CNTLN: variants seen among roughly 807,000 people sequenced by gnomAD.
The protein encoded by CNTLN is centlein, centrosomal protein.
In CNTLN, 212 loss-of-function variants were observed where a neutral mutation model predicts 180.0. That is an observed-to-expected ratio of 1.18 (90% CI 1.05 to 1.32). The LOEUF (loss-of-function observed/expected upper bound fraction) is 1.32, where lower values mean the gene tolerates loss of function less well. CNTLN is among the 40% of genes most tolerant of loss of function. The probability of loss-of-function intolerance (pLI) is 0.00; values close to 1 mark genes in which losing one functional copy is unlikely to be tolerated. For missense variants in CNTLN, 2,095 were observed against 1,610.9 expected (o/e 1.30, Z -5.14); for synonymous variants, 722 against 563.1 (o/e 1.28, Z -3.99).
chr9:17,278,961 A>G (rs1828487904), intron 6 of CNTLN, among the ~76,000 whole-genome samples: 1 of 152,130 alleles, frequency 6.6e-6, no homozygotes. Flanking sequence ...ATATAATGAA[A>G]CAATAAGGCT....
At chr9:17,196,762 A>G (rs1822159417) in intron 2 of CNTLN, among the ~76,000 whole-genome samples, 1 of 152,044 alleles carries the variant, frequency 6.6e-6, no homozygotes, top group Admixed American at 6.6e-5. Flanking sequence ...TCTATGGAGT[A>G]TATGAGAGAT....
chr9:17,330,817 A>C lies in CNTLN; in HGVS notation c.1518+9A>C. The C allele has an allele frequency of 6.3e-7, 1 of 1,587,452 alleles. No individual in the cohort carries two copies. Among genetic ancestry groups the C allele is most frequent in the Non-Finnish European group, 8.5e-7 (1 of 1,170,090 alleles). On this transcript the variant is annotated intron_variant, in intron 9 of 25. Transcript: ENST00000380647. ...CTGAAGGAAAACATAAGGTAGGGACATTTTGTCATTTTGTGAATTTGCCAG... is the reference window on the plus strand; with the variant it reads ...CTGAAGGAAAACATAAGGTAGGGACCTTTTGTCATTTTGTGAATTTGCCAG...
chr9:17,510,037 T>A, the CNTLN span, among the ~76,000 whole-genome samples: 1 of 152,070 alleles, frequency 6.6e-6, no homozygotes, highest in Non-Finnish European at 1.5e-5. Context: ...GAAGAATATA[T>A]CTGGAATACA....
intron 2 of CNTLN, among the ~76,000 whole-genome samples, chr9:17,222,438 G>A (rs562806321): frequency 6.6e-6 from 1 of 152,072 alleles, no homozygotes; most frequent in Non-Finnish European, 1.5e-5. Flanking sequence ...TGAACCATGG[G>A]GGTGGTTTCC....
chr9:17,234,980 G>T (rs1563907825), intron 3 of CNTLN, among the ~76,000 whole-genome samples: 1 of 152,140 alleles, frequency 6.6e-6, no homozygotes. Context: ...CTGGATTATA[G>T]ATTAGATAGT....
intron 3 of CNTLN, 120 bp downstream of exon 3, chr9:17,226,407 AG>A (rs1163105367): frequency 2.0e-6 from 1 of 502,288 alleles, no homozygotes; most frequent in African/African-American, 2.0e-5. Flanking sequence ...CTTATGTTAA[AG>A]CATTACTATT....
At chr9:17,190,938 T>C (rs1821751815) in intron 2 of CNTLN, among the ~76,000 whole-genome samples, 1 of 152,226 alleles carries the variant, frequency 6.6e-6, no homozygotes, top group African/African-American at 2.4e-5. Context: ...ATATAATGGA[T>C]CTGTTTTCTT....
chr9:17,498,034 A>G (rs979022000), intron 25 of CNTLN, among the ~76,000 whole-genome samples: 19 of 152,168 alleles, frequency 1.2e-4, no homozygotes, highest in African/African-American at 4.6e-4. Flanking sequence ...TTCACTTTCA[A>G]TATAACTCTA....
chr9:17,421,792 T>C (rs1207110933), intron 18 of CNTLN, among the ~76,000 whole-genome samples: 1 of 152,138 alleles, frequency 6.6e-6, no homozygotes, highest in Non-Finnish European at 1.5e-5. Context: ...TAACCAATTA[T>C]TTTAAACTGA....
intron 6 of CNTLN, among the ~76,000 whole-genome samples, chr9:17,287,560 T>C (rs557110778): frequency 6.7e-6 from 1 of 150,246 alleles, no homozygotes; most frequent in South Asian, 2.1e-4. Context: ...TTCTATTGAT[T>C]GGAATAGTTT....
chr9:17,292,111 A>T (rs1290982786), intron 6 of CNTLN, among the ~76,000 whole-genome samples: 1 of 152,196 alleles, frequency 6.6e-6, no homozygotes, highest in African/African-American at 2.4e-5. Flanking sequence ...TTCTTTAAGA[A>T]TATTGAATAA....
In CNTLN at chr9:17,351,619, A is replaced by G. The variant is rs574764041; in HGVS notation, c.1886+9175A>G. Among the ~76,000 whole-genome samples the G allele has an allele frequency of 2.0e-4, 31 of 152,200 alleles. 1 individual carries two copies. The highest frequency in any genetic ancestry group is 1.3e-3 in the South Asian group (6 of 4,798). On this transcript the variant is annotated intron_variant, in intron 12 of 25. Transcript: ENST00000380647. ...CTAAGCCTTAATATTTCACATCACA[A>G]ACATCCTATCTTATTTCTTTCCATC...
At chr9:17,311,164 A>C (rs1480055354) in intron 8 of CNTLN, among the ~76,000 whole-genome samples, 1 of 151,840 alleles carries the variant, frequency 6.6e-6, no homozygotes, top group Non-Finnish European at 1.5e-5. Flanking sequence ...AGCTGGGATT[A>C]TAGGCGCCTG....
chr9:17,222,874 TA>T (rs948420136), intron 2 of CNTLN, among the ~76,000 whole-genome samples: 86 of 152,160 alleles, frequency 5.7e-4, no homozygotes, highest in African/African-American at 1.9e-3. Flanking sequence ...CTTATCTTAC[TA>T]ATCTATAAAT....
intron 15 of CNTLN, among the ~76,000 whole-genome samples, chr9:17,406,522 A>G (rs898313465): frequency 6.6e-6 from 1 of 151,762 alleles, no homozygotes; most frequent in Non-Finnish European, 1.5e-5. Context: ...CTTCAGTATT[A>G]CTAATGATCA....
intron 2 of CNTLN, among the ~76,000 whole-genome samples, chr9:17,187,111 C>T (rs1403156522): frequency 2.0e-5 from 3 of 151,962 alleles, no homozygotes; most frequent in Non-Finnish European, 2.9e-5. Flanking sequence ...ATGGAATGAG[C>T]GCATACATGG....
At chr9:17,392,835 A>C (rs1042188063) in intron 14 of CNTLN, among the ~76,000 whole-genome samples, 1 of 151,888 alleles carries the variant, frequency 6.6e-6, no homozygotes, top group African/African-American at 2.4e-5. Flanking sequence ...TGTGTAAATC[A>C]GACATGACTG....
At chr9:17,381,541 G>A (rs1281850016) in intron 13 of CNTLN, among the ~76,000 whole-genome samples, 4 of 152,164 alleles carry the variant, frequency 2.6e-5, no homozygotes, top group African/African-American at 9.7e-5. Flanking sequence ...TCAGCATCCT[G>A]TAACATATAT....
rs546009880 is a variant in CNTLN at position 17,136,422 on chromosome 9, C to T, written c.360+997C>T. 5.3e-5 allele frequency among the ~76,000 whole-genome samples: 8 copies of T among 152,292 alleles called. No homozygotes were observed. In the East Asian group the frequency reaches 1.5e-3, roughly 29 times the overall value. On this transcript the variant is annotated intron_variant, in intron 1 of 25. Coordinates refer to ENST00000380647, the MANE Select transcript of CNTLN (RefSeq NM_017738.4). ...TCAGCTCACTGCAAGCTCCGCCTCCCGGGTTCACGCCATTCTCCAGCCTCA... is the reference window on the plus strand; with the variant it reads ...TCAGCTCACTGCAAGCTCCGCCTCCTGGGTTCACGCCATTCTCCAGCCTCA...
Sources: gnomAD v4.1 joint callset for allele counts (sites outside exome capture counted in the v4.1 genomes callset) on GRCh38, gnomAD v4.1.1 for gene constraint, MANE v1.5 for transcripts, NCBI Gene and HGNC (gene_info 2026-07-23, HGNC 2026-07-21) for gene names.